The following B3GAT1 variants were observed in gnomAD, a reference collection of about 807,000 sequenced individuals.
B3GAT1 encodes beta-1,3-glucuronyltransferase 1, also known as galactosylgalactosylxylosylprotein 3-beta-glucuronosyltransferase 1.
B3GAT1 carries 11 observed loss-of-function variants against 28.4 expected under a neutral mutation model. That is an observed-to-expected ratio of 0.39 (90% CI 0.24 to 0.64). The LOEUF (loss-of-function observed/expected upper bound fraction) is 0.64. Ranked by LOEUF, B3GAT1 falls within the 30% of genes least tolerant of loss-of-function variation. B3GAT1 has a pLI of 0.50. For missense variants in B3GAT1, 375 were observed against 491.0 expected (o/e 0.76, Z 2.23); for synonymous variants, 255 against 223.1 (o/e 1.14, Z -1.27).
chr11:134,407,744 A>G (rs1349856724), intron 1 of B3GAT1, among the ~76,000 whole-genome samples: 2 of 152,124 alleles, frequency 1.3e-5, no homozygotes, highest in Non-Finnish European at 2.9e-5. Context: ...TGCAAAAAAA[A>G]AAAAAGCAAC....
Position 134,387,883 on chromosome 11 carries a change from A to T in B3GAT1, c.-224T>A. The T allele has an allele frequency of 6.6e-7, 1 of 1,514,568 alleles. No homozygotes were observed. Among genetic ancestry groups the T allele is most frequent in the Non-Finnish European group, 8.8e-7 (1 of 1,133,218 alleles). 93.8% of individuals were successfully genotyped at this position (1,514,568 alleles called of 1,614,324 possible). A position where few individuals can be genotyped will look rare whatever the true frequency, so the allele number is the denominator to read the frequency against. On this transcript the variant is annotated 5_prime_UTR_variant, in exon 2 of 6. Coordinates refer to ENST00000312527, the MANE Select transcript of B3GAT1 (RefSeq NM_054025.3). ...GGTTTGGAGAGTCCGGCCCAACTGG[A>T]GTCTGAGAAGGGGTCGCTGTCCAGG...
chr11:134,400,969 C>A lies in B3GAT1; in HGVS notation c.-282+10838G>T, dbSNP rs187550054. ...CAGACACTTCTCAAATGAAGACGTA[C>A]AAGTGGCCAACAAATATGAAAAAAT... On this transcript the variant is annotated intron_variant, in intron 1 of 5. Coordinates refer to ENST00000312527, the MANE Select transcript of B3GAT1 (RefSeq NM_054025.3). Among the ~76,000 whole-genome samples the A allele has an allele frequency of 2.6e-4, 40 of 152,296 alleles. No individual in the cohort carries two copies. The East Asian group carries it at 6.9e-3, about 26-fold the overall frequency.
In B3GAT1 at chr11:134,387,684, C is replaced by T; in HGVS notation, c.-25G>A. The T allele has an allele frequency of 1.9e-6, 3 of 1,613,502 alleles. No homozygotes were observed. Among genetic ancestry groups the T allele is most frequent in the Non-Finnish European group, 2.5e-6 (3 of 1,179,838 alleles). On this transcript the variant is annotated 5_prime_UTR_variant, in exon 2 of 6. Transcript: ENST00000312527. ...TCTCCAAGGCTGGCTGCACCCACGG[C>T]TCCTCATTACCTGAGTGGCGGTAAG...
chr11:134,381,193 G>A (rs946379101), intron 5 of B3GAT1, among the ~76,000 whole-genome samples: 7 of 152,204 alleles, frequency 4.6e-5, no homozygotes, highest in East Asian at 1.9e-4. Flanking sequence ...CAATTCACTC[G>A]TGCCAGTGTG....
chr11:134,397,157 G>C (rs1944520788), intron 1 of B3GAT1, among the ~76,000 whole-genome samples: 2 of 152,160 alleles, frequency 1.3e-5, no homozygotes, highest in African/African-American at 4.8e-5. Context: ...CCCCGGCCTA[G>C]GGCTCCATCC....
chr11:134,407,456 C>T lies in B3GAT1; in HGVS notation c.-282+4351G>A, dbSNP rs558794509. ...GCAGAGAGCTGGCTCACATTTCCCA[C>T]GTATGAGAAGAGAGAGCTCCTGCCA... On this transcript the variant is annotated intron_variant, in intron 1 of 5. Transcript: ENST00000312527. Among the ~76,000 whole-genome samples, 94 of 152,356 alleles carry T rather than the reference C, an allele frequency of 6.2e-4. 1 individual carries two copies. The highest frequency in any genetic ancestry group is 2.2e-3 in the African/African-American group (91 of 41,588).
rs562217347 is a variant in B3GAT1, at chr11:134,405,017, C to T, written c.-282+6790G>A. 2.1e-4 allele frequency among the ~76,000 whole-genome samples: 32 copies of T among 152,166 alleles called. 1 individual carries two copies. Among genetic ancestry groups the T allele is most frequent in the African/African-American group, 5.5e-4 (23 of 41,508 alleles). ...CTCAGTGTCCTCCCCGTGCCACGAG[C>T]GGCCGTCTCTCCCACTCTGTGGTCT... On this transcript the variant is annotated intron_variant, in intron 1 of 5. Coordinates refer to ENST00000312527, the MANE Select transcript of B3GAT1 (RefSeq NM_054025.3).
At position 134,380,613 on chromosome 11, in the gene B3GAT1, A is replaced by G. The variant is rs1446593474; in HGVS notation, c.*149T>C. On this transcript the variant is annotated 3_prime_UTR_variant, in exon 6 of 6. Coordinates refer to ENST00000312527, the MANE Select transcript of B3GAT1 (RefSeq NM_054025.3). ...TAAATTCTCTGTCCTTTGTTCTGGC[A>G]TCAGGCTGGGCTCTCTCAGAAGCCC... is the stretch of plus-strand genomic sequence containing the variant. 6.5e-6 allele frequency: 1 copy of G among 152,726 alleles called. No individual in the cohort carries two copies. The highest frequency in any genetic ancestry group is 2.4e-5 in the African/African-American group (1 of 41,462). 9.5% of individuals were successfully genotyped at this position (152,726 alleles called of 1,614,324 possible). A position where few individuals can be genotyped will look rare whatever the true frequency, so the allele number is the denominator to read the frequency against.
At position 134,379,132 on chromosome 11, in the gene B3GAT1, A is replaced by G. The variant is rs1246007318; in HGVS notation, c.*1630T>C. 1 of 152,224 alleles carries G rather than the reference A, an allele frequency of 6.6e-6. No individual in the cohort carries two copies. The highest frequency in any genetic ancestry group is 2.4e-5 in the African/African-American group (1 of 41,456). The allele number at this position is 152,224 out of a possible 1,614,324, so 9.4% of individuals were successfully genotyped here. A position where few individuals can be genotyped will look rare whatever the true frequency, so the allele number is the denominator to read the frequency against. The stretch of plus-strand genomic sequence containing the variant: ...CAAGGTGGCTCAGGGATCTGATTCC[A>G]TCAGATGGTCTCATGAATACTGTGG... On this transcript the variant is annotated 3_prime_UTR_variant, in exon 6 of 6. Coordinates refer to ENST00000312527, the MANE Select transcript of B3GAT1 (RefSeq NM_054025.3).
intron 1 of B3GAT1, among the ~76,000 whole-genome samples, chr11:134,395,631 G>A (rs1415783484): frequency 6.6e-6 from 1 of 151,998 alleles, no homozygotes; most frequent in Non-Finnish European, 1.5e-5. Flanking sequence ...GAGAAGTCTG[G>A]TATTGAAAGG....
chr11:134,387,457 A>C, intron 2 of B3GAT1, 91 bp downstream of exon 2: 1 of 1,532,262 alleles, frequency 6.5e-7, no homozygotes, highest in South Asian at 1.2e-5. Flanking sequence ...CTAGCTGCTA[A>C]GTGAGTGCAA....
chr11:134,410,156 C>T (rs576017830), intron 1 of B3GAT1, among the ~76,000 whole-genome samples: 30 of 152,364 alleles, frequency 2.0e-4, no homozygotes, highest in African/African-American at 7.0e-4. Context: ...GTCTCCGCCA[C>T]GGGCTCCAAT....
At chr11:134,394,635 A>G (rs111711955) in intron 1 of B3GAT1, among the ~76,000 whole-genome samples, 15,343 of 152,252 alleles carry the variant, frequency 0.1, 910 homozygotes, top group Non-Finnish European at 0.14. Flanking sequence ...AAGAGTGGCA[A>G]GCTTGGGCCC....
At chr11:134,400,252 T>C (rs1312397359) in intron 1 of B3GAT1, among the ~76,000 whole-genome samples, 2 of 152,150 alleles carry the variant, frequency 1.3e-5, no homozygotes, top group Non-Finnish European at 2.9e-5. Context: ...TTTTCACATT[T>C]GCACCCTAGC....
chr11:134,385,084 G>C (rs901641187), intron 2 of B3GAT1: 5 of 152,198 alleles, frequency 3.3e-5, no homozygotes, highest in African/African-American at 7.2e-5. Flanking sequence ...TTAGCTTCTG[G>C]CGCCTCAATT....
intron 1 of B3GAT1, among the ~76,000 whole-genome samples, chr11:134,401,700 C>G (rs897627300): frequency 6.6e-6 from 1 of 152,022 alleles, no homozygotes; most frequent in African/African-American, 2.4e-5. Context: ...GGGTAACAAA[C>G]CTGCACATGT....
rs1272378783 is a variant in B3GAT1, at chr11:134,393,810, C to T, written c.-281-5870G>A. Among the ~76,000 whole-genome samples, 4 of 152,122 alleles carry T rather than the reference C, an allele frequency of 2.6e-5. No homozygotes were observed. Among genetic ancestry groups the T allele is most frequent in the South Asian group, 4.1e-4 (2 of 4,828 alleles). On this transcript the variant is annotated intron_variant, in intron 1 of 5. Coordinates refer to ENST00000312527, the MANE Select transcript of B3GAT1 (RefSeq NM_054025.3). The surrounding 1 kb of genome is among the most constrained non-coding windows in gnomAD (Gnocchi z 4.0). The stretch of plus-strand genomic sequence containing the variant: ...TGCTGTGCGGACCGGGTGCAGGACA[C>T]CAACCTGCTGGTTAAGACAGCTGCT...
chr11:134,389,339 G>A (rs1944361344), intron 1 of B3GAT1: 2 of 152,380 alleles, frequency 1.3e-5, no homozygotes, highest in Non-Finnish European at 1.5e-5. Flanking sequence ...TGCTGGGCTG[G>A]GCAGCAGCAA....
At chr11:134,388,760 T>A (rs1040837235) in intron 1 of B3GAT1, 1 of 152,264 alleles carries the variant, frequency 6.6e-6, no homozygotes, top group African/African-American at 2.4e-5. Flanking sequence ...TCCAGCTGCA[T>A]CCAGGCTGCT....
Sources: allele counts gnomAD v4.1 joint callset (sites outside exome capture counted in the v4.1 genomes callset), GRCh38; gene constraint gnomAD v4.1.1; non-coding constraint Gnocchi (gnomAD v3.1); transcripts MANE v1.5; gene names NCBI Gene and HGNC (gene_info 2026-07-23, HGNC 2026-07-21).